VPS26A: variants seen among roughly 807,000 people sequenced by gnomAD.
VPS26A encodes vacuolar protein sorting-associated protein 26A.
A neutral mutation model predicts 42.4 loss-of-function variants in VPS26A; 22 were observed. The observed-to-expected ratio is 0.52, with a 90% CI of 0.37 to 0.74. The LOEUF is 0.74. VPS26A is among the 30% of genes least tolerant of loss of function. The pLI is 0.00. For synonymous variants in VPS26A, 110 were observed against 123.5 expected (o/e 0.89, Z 0.73); for missense variants, 276 against 379.2 (o/e 0.73, Z 2.26).
chr10:69,151,264 C>CAAAAAAAAAAACAAA (rs1841299448), intron 2 of VPS26A, among the ~76,000 whole-genome samples: 2 of 30,430 alleles, frequency 6.6e-5, no homozygotes, highest in Admixed American at 6.2e-4. Context: ...GACTCCATGT[C>CAAAAAAAAAAACAAA]AAAAAAAAAA....
intron 5 of VPS26A, among the ~76,000 whole-genome samples, chr10:69,161,048 T>C (rs987696187): frequency 1.3e-5 from 2 of 152,142 alleles, no homozygotes; most frequent in African/African-American, 2.4e-5. Context: ...ACACCAAATA[T>C]TTCAAGTATT....
intron 2 of VPS26A, among the ~76,000 whole-genome samples, chr10:69,144,279 A>G (rs1481138182): frequency 3.3e-5 from 5 of 152,366 alleles, no homozygotes; most frequent in East Asian, 1.9e-4. Flanking sequence ...TAAAGTCCAT[A>G]GTTTACATTA....
intron 1 of VPS26A, among the ~76,000 whole-genome samples, chr10:69,125,797 C>G (rs61868342): frequency 0.18 from 27,181 of 151,956 alleles, 2,793 homozygotes; most frequent in Non-Finnish European, 0.23. Context: ...CCTTCCACCT[C>G]AGAAATGCAA....
intron 2 of VPS26A, among the ~76,000 whole-genome samples, chr10:69,151,276 A>AAAAAAAAAAAAAC (rs1554854511): frequency 5.8e-5 from 4 of 69,030 alleles, no homozygotes; most frequent in Admixed American, 1.6e-4. Context: ...AAAAAAAAAA[A>AAAAAAAAAAAAAC]AAAAAAACAC....
chr10:69,145,704 G>C (rs1266983522), intron 2 of VPS26A, among the ~76,000 whole-genome samples: 2 of 148,000 alleles, frequency 1.4e-5, no homozygotes, highest in East Asian at 3.9e-4. Context: ...TGGCCTATTT[G>C]TGGCATGTAC....
intron 5 of VPS26A, among the ~76,000 whole-genome samples, chr10:69,159,771 C>T (rs968608735): frequency 1.5e-4 from 23 of 152,154 alleles, no homozygotes; most frequent in African/African-American, 5.1e-4. Flanking sequence ...ATTCACATTT[C>T]CCTAATTGGC....
chr10:69,151,283 A>AAAAAAAC (rs59929053), intron 2 of VPS26A, among the ~76,000 whole-genome samples: 1 of 122,126 alleles, frequency 8.2e-6, no homozygotes, highest in African/African-American at 3.5e-5. Flanking sequence ...AAAAAAAAAA[A>AAAAAAAC]CACACACACA....
chr10:69,124,428 T>A (rs958936884), intron 1 of VPS26A, 148 bp downstream of exon 1: 8 of 943,896 alleles, frequency 8.5e-6, no homozygotes, highest in Non-Finnish European at 1.1e-5. Context: ...CACCCCTGGG[T>A]CTGGGAAAAG....
chr10:69,169,069 C>CAA (rs945823721), intron 8 of VPS26A, among the ~76,000 whole-genome samples: 1 of 145,368 alleles, frequency 6.9e-6, no homozygotes, highest in Non-Finnish European at 1.5e-5. Context: ...TTTGTAGAGA[C>CAA]AGAGTCTCAC....
At chr10:69,160,127 T>TACACACACACACACAC (rs71035066) in intron 5 of VPS26A, among the ~76,000 whole-genome samples, 3 of 148,348 alleles carry the variant, frequency 2.0e-5, no homozygotes, top group East Asian at 2.0e-4. Flanking sequence ...ACATAATTTT[T>TACACACACACACACAC]ACACACACAC....
At chr10:69,131,456 C>T (rs998086663) in intron 1 of VPS26A, among the ~76,000 whole-genome samples, 4 of 151,220 alleles carry the variant, frequency 2.6e-5, no homozygotes, top group Admixed American at 6.6e-5. Flanking sequence ...CATTCTGGGC[C>T]GGGCGCGGTG....
At chr10:69,166,301 A>G (rs894537744) in intron 7 of VPS26A, among the ~76,000 whole-genome samples, 191 bp downstream of exon 7, 1 of 152,210 alleles carries the variant, frequency 6.6e-6, no homozygotes, top group Non-Finnish European at 1.5e-5. Flanking sequence ...AATAAGGTTT[A>G]ATTTTTCAGT....
chr10:69,157,505 GA>G (rs888612034), intron 4 of VPS26A, among the ~76,000 whole-genome samples: 2 of 152,184 alleles, frequency 1.3e-5, no homozygotes, highest in African/African-American at 4.8e-5. Context: ...TGGAGTACCA[GA>G]GAGGCTCTGA....
intron 2 of VPS26A, among the ~76,000 whole-genome samples, chr10:69,143,933 A>G (rs1841099280): frequency 6.6e-6 from 1 of 152,124 alleles, no homozygotes; most frequent in Non-Finnish European, 1.5e-5. Flanking sequence ...TCCCAGGCTA[A>G]TCTCAAACTT....
chr10:69,137,938 G>A (rs949916452), intron 2 of VPS26A, among the ~76,000 whole-genome samples: 1 of 151,192 alleles, frequency 6.6e-6, no homozygotes, highest in Non-Finnish European at 1.5e-5. Context: ...TAAATTTAGA[G>A]TTGTACAACT....
rs1841840678 is a variant in VPS26A at position 69,172,574 on chromosome 10, A to G, written c.*1305A>G. The G allele has an allele frequency of 6.6e-6, 1 of 152,656 alleles. No individual in the cohort carries two copies. Among genetic ancestry groups the G allele is most frequent in the Non-Finnish European group, 1.5e-5 (1 of 68,036 alleles). The allele number at this position is 152,656 out of a possible 1,614,324, so 9.5% of individuals were successfully genotyped here. A position where few individuals can be genotyped will look rare whatever the true frequency, so the allele number is the denominator to read the frequency against. ...TACATTTCTTTAAACCTGTTTTACTACTATGGCACTTTGATAAAATGGTCA... is the reference window on the plus strand; with the variant it reads ...TACATTTCTTTAAACCTGTTTTACTGCTATGGCACTTTGATAAAATGGTCA... On this transcript the variant is annotated 3_prime_UTR_variant, in exon 9 of 9. Coordinates refer to ENST00000263559, the MANE Select transcript of VPS26A (RefSeq NM_004896.5).
chr10:69,171,221 A>G lies in VPS26A; in HGVS notation c.936A>G (p.Arg312=), dbSNP rs1280525270. ...LRKQRTNFHQ[R]FESPESQASA... ...AACAGAGAACAAACTTTCACCAGCGATTTGAATCTCCAGAATCACAGGCAT... is the reference window on the plus strand; with the variant it reads ...AACAGAGAACAAACTTTCACCAGCGGTTTGAATCTCCAGAATCACAGGCAT... Residue 312 remains arginine, a synonymous_variant, in exon 9 of 9, where the codon CGA becomes CGG. Coordinates refer to ENST00000263559, the MANE Select transcript of VPS26A (RefSeq NM_004896.5). 1.2e-6 allele frequency: 2 copies of G among 1,613,884 alleles called. No homozygotes were observed. Among genetic ancestry groups the G allele is most frequent in the Non-Finnish European group, 1.7e-6 (2 of 1,179,988 alleles).
intron 2 of VPS26A, among the ~76,000 whole-genome samples, chr10:69,153,221 C>T (rs939772402): frequency 3.2e-4 from 49 of 151,456 alleles, no homozygotes; most frequent in African/African-American, 1.1e-3. Flanking sequence ...AGCTAATTTT[C>T]GTATTTTTAG....
intron 1 of VPS26A, 72 bp from the exon 2 acceptor site, chr10:69,132,826 A>T: frequency 7.1e-7 from 1 of 1,401,630 alleles, no homozygotes; most frequent in Non-Finnish European, 9.6e-7. Flanking sequence ...GTTCATAGGT[A>T]ATTAAATTCA....
Sources: gnomAD v4.1 joint callset for allele counts (sites outside exome capture counted in the v4.1 genomes callset) on GRCh38, gnomAD v4.1.1 for gene constraint, MANE v1.5 for transcripts, NCBI Gene and HGNC (gene_info 2026-07-23, HGNC 2026-07-21) for gene names.